SAMD5: variants seen among roughly 807,000 people sequenced by gnomAD.
The protein encoded by SAMD5 is sterile alpha motif domain containing 5.
SAMD5 carries 13 observed loss-of-function variants against 11.3 expected under a neutral mutation model. That is an observed-to-expected ratio of 1.15 (90% CI 0.75 to 1.83). The LOEUF (loss-of-function observed/expected upper bound fraction) is 1.83, where lower values mean the gene tolerates loss of function less well. Among genes scored for constraint, SAMD5 ranks in the 40% most tolerant of loss-of-function variants. The pLI is 0.00. For missense variants in SAMD5, 255 were observed against 239.1 expected (o/e 1.07, Z -0.44); for synonymous variants, 129 against 111.3 (o/e 1.16, Z -1.00).
the SAMD5 span, among the ~76,000 whole-genome samples, chr6:147,924,817 A>AAATC: frequency 2.0e-5 from 3 of 148,860 alleles, no homozygotes; most frequent in Non-Finnish European, 4.5e-5. Flanking sequence ...TAAATAAATA[A>AAATC]AATCAACTTC....
At chr6:147,836,312 C>A in the SAMD5 span, among the ~76,000 whole-genome samples, 1 of 152,154 alleles carries the variant, frequency 6.6e-6, no homozygotes, top group African/African-American at 2.4e-5. Context: ...TCTACTTATG[C>A]GCTTTTGGAG....
At chr6:147,607,132 T>C (rs935656032) in intron 1 of SAMD5, among the ~76,000 whole-genome samples, 1 of 152,188 alleles carries the variant, frequency 6.6e-6, no homozygotes, top group African/African-American at 2.4e-5. Flanking sequence ...TTTTTAGAAT[T>C]GTTTTTATTA....
the SAMD5 span, among the ~76,000 whole-genome samples, chr6:147,822,981 A>AT: frequency 6.6e-6 from 1 of 151,594 alleles, no homozygotes; most frequent in South Asian, 2.1e-4. Context: ...CACCCGGCTA[A>AT]TTTTTTTATA....
At chr6:147,780,334 A>G in the SAMD5 span, among the ~76,000 whole-genome samples, 1 of 151,824 alleles carries the variant, frequency 6.6e-6, no homozygotes, top group African/African-American at 2.4e-5. Flanking sequence ...CAGCCTCCCA[A>G]GTAGCTTGGA....
At chr6:147,834,824 A>C in the SAMD5 span, among the ~76,000 whole-genome samples, 2 of 152,192 alleles carry the variant, frequency 1.3e-5, no homozygotes, top group Non-Finnish European at 2.9e-5. Context: ...AAATGTAGTC[A>C]TTGGCTTGAT....
chr6:147,929,411 A>G, the SAMD5 span, among the ~76,000 whole-genome samples: 162 of 152,194 alleles, frequency 1.1e-3, no homozygotes, highest in African/African-American at 3.6e-3. Context: ...GTGGGTCTCA[A>G]CCCTATCACA....
chr6:147,758,413 T>A, the SAMD5 span, among the ~76,000 whole-genome samples: 1 of 152,268 alleles, frequency 6.6e-6, no homozygotes, highest in Non-Finnish European at 1.5e-5. Context: ...GCACAGAGAT[T>A]TAAGGCACAA....
chr6:147,905,108 G>A, the SAMD5 span, among the ~76,000 whole-genome samples: 1 of 151,946 alleles, frequency 6.6e-6, no homozygotes, highest in African/African-American at 2.4e-5. Context: ...GGCTGGTCTC[G>A]AACTCCCGAC....
intron 1 of SAMD5, among the ~76,000 whole-genome samples, chr6:147,537,912 T>C (rs1788537153): frequency 6.6e-6 from 1 of 152,216 alleles, no homozygotes; most frequent in Non-Finnish European, 1.5e-5. Context: ...AAAACCCTTT[T>C]ATTATTTTTT....
the SAMD5 span, among the ~76,000 whole-genome samples, chr6:147,866,518 C>T: frequency 2.0e-5 from 3 of 152,148 alleles, no homozygotes; most frequent in Admixed American, 6.5e-5. Flanking sequence ...AATGAAAGTA[C>T]GCCAAAATGC....
the SAMD5 span, among the ~76,000 whole-genome samples, chr6:147,813,598 A>G: frequency 0.14 from 21,018 of 152,254 alleles, 1,618 homozygotes; most frequent in Middle Eastern, 0.19. Flanking sequence ...ATACAGCTGG[A>G]ATATAATACA....
chr6:147,667,459 C>T lies in SAMD5; in HGVS notation c.163-69858C>T, dbSNP rs116869851. Among the ~76,000 whole-genome samples the T allele has an allele frequency of 5.9e-5, 9 of 152,262 alleles. 1 individual carries two copies. In the East Asian group the frequency reaches 1.7e-3, roughly 29 times the overall value. On this transcript the variant is annotated intron_variant, in intron 1 of 1. Transcript: ENST00000566741. ...CTTAATGGCAAAGCCTGGTCTGGAA[C>T]AGCTTTGCAACAGAATCTAAAAGGG...
chr6:147,535,592 T>G (rs1788497144), intron 1 of SAMD5, among the ~76,000 whole-genome samples: 1 of 152,240 alleles, frequency 6.6e-6, no homozygotes, highest in Non-Finnish European at 1.5e-5. Flanking sequence ...TAAACTTTAG[T>G]CTTTCTGTAC....
At chr6:147,574,690 A>T (rs1474280590), downstream of SAMD5, among the ~76,000 whole-genome samples, 1 of 152,204 alleles carries the variant, frequency 6.6e-6, no homozygotes, top group East Asian at 1.9e-4. Context: ...TGAGGGTTGC[A>T]TTCTCCAGAG....
chr6:147,615,018 C>T (rs1406896453), intron 1 of SAMD5, among the ~76,000 whole-genome samples: 1 of 151,766 alleles, frequency 6.6e-6, no homozygotes, highest in Non-Finnish European at 1.5e-5. Flanking sequence ...CATATGACAA[C>T]TATTTACATA....
chr6:147,600,562 CT>C (rs1789599931), intron 1 of SAMD5, among the ~76,000 whole-genome samples: 1 of 152,192 alleles, frequency 6.6e-6, no homozygotes. Context: ...TTTCTCTTCA[CT>C]TTCAAAATTA....
the SAMD5 span, among the ~76,000 whole-genome samples, chr6:147,835,276 C>A: frequency 6.7e-6 from 1 of 149,006 alleles, no homozygotes; most frequent in Non-Finnish European, 1.5e-5. Context: ...GATTGTGCAG[C>A]GGCTGTTGTG....
chr6:147,905,165 G>C, the SAMD5 span, among the ~76,000 whole-genome samples: 1 of 152,096 alleles, frequency 6.6e-6, no homozygotes, highest in Admixed American at 6.6e-5. Flanking sequence ...TGGGATTACA[G>C]GCGTGAGCCA....
chr6:147,547,216 C>T (rs1390450543), intron 1 of SAMD5, among the ~76,000 whole-genome samples: 1 of 152,198 alleles, frequency 6.6e-6, no homozygotes, highest in African/African-American at 2.4e-5. Context: ...TAATAAATAG[C>T]CACAAACTTA....
Sources: gnomAD v4.1 joint callset for allele counts (sites outside exome capture counted in the v4.1 genomes callset) on GRCh38, gnomAD v4.1.1 for gene constraint, MANE v1.5 for transcripts, NCBI Gene and HGNC (gene_info 2026-07-23, HGNC 2026-07-21) for gene names.